The following SIPA1L1 variants were observed in gnomAD, a reference collection of about 807,000 sequenced individuals.
The protein encoded by SIPA1L1 is signal induced proliferation associated 1 like 1.
SIPA1L1 carries 26 observed loss-of-function variants against 162.7 expected under a neutral mutation model. That is an observed-to-expected ratio of 0.16 (90% CI 0.12 to 0.22). The LOEUF (loss-of-function observed/expected upper bound fraction) is 0.22. Among genes scored for constraint, SIPA1L1 ranks in the 10% least tolerant of loss-of-function variants. The pLI is 1.00. For synonymous variants in SIPA1L1, 829 were observed against 837.4 expected (o/e 0.99, Z 0.17); for missense variants, 1,874 against 2,241.0 (o/e 0.84, Z 3.31).
At chr14:71,502,200 G>A (rs2050277109) in intron 2 of SIPA1L1, among the ~76,000 whole-genome samples, 1 of 136,234 alleles carries the variant, frequency 7.3e-6, no homozygotes, top group Non-Finnish European at 1.5e-5. Flanking sequence ...GCTTTTATTT[G>A]GCTATTTTGG....
chr14:71,637,058 A>G (rs1386498649), intron 7 of SIPA1L1, among the ~76,000 whole-genome samples: 2 of 151,224 alleles, frequency 1.3e-5, no homozygotes, highest in African/African-American at 2.4e-5. Context: ...CTTTAAAAAA[A>G]AAAAAAAAAC....
At chr14:71,586,380 G>A (rs3825719) in intron 4 of SIPA1L1, 127,276 of 152,218 alleles carry the variant, frequency 0.84, 53,817 homozygotes, top group African/African-American at 0.95. Context: ...CGTGGAAGTA[G>A]GTGCTTGTTA....
chr14:71,683,222 GGTA>G (rs754319351), intron 12 of SIPA1L1, among the ~76,000 whole-genome samples: 2 of 152,194 alleles, frequency 1.3e-5, no homozygotes, highest in Non-Finnish European at 2.9e-5. Flanking sequence ...AGGTGGAAGA[GGTA>G]GTAGTGAAAG....
At chr14:71,645,638 G>T (rs2042088723) in intron 7 of SIPA1L1, among the ~76,000 whole-genome samples, 1 of 152,176 alleles carries the variant, frequency 6.6e-6, no homozygotes, top group South Asian at 2.1e-4. Context: ...TTTTATTTGG[G>T]GAAGGGGTGA....
intron 2 of SIPA1L1, among the ~76,000 whole-genome samples, chr14:71,408,109 A>C (rs2042156171): frequency 6.6e-6 from 1 of 152,238 alleles, no homozygotes; most frequent in South Asian, 2.1e-4. Flanking sequence ...ATGCAGTTAG[A>C]ATACAGTTAT....
At chr14:71,506,036 G>T (rs1277677753) in intron 2 of SIPA1L1, among the ~76,000 whole-genome samples, 1 of 150,244 alleles carries the variant, frequency 6.7e-6, no homozygotes, top group African/African-American at 2.5e-5. Flanking sequence ...TTTGGATAAG[G>T]GATACTCATC....
At chr14:71,486,782 A>G (rs538374715) in intron 2 of SIPA1L1, among the ~76,000 whole-genome samples, 62 of 152,344 alleles carry the variant, frequency 4.1e-4, no homozygotes, top group African/African-American at 1.4e-3. Context: ...TTAATGCACC[A>G]TTATTACTTT....
intron 5 of SIPA1L1, among the ~76,000 whole-genome samples, chr14:71,615,830 A>C (rs1420996988): frequency 6.6e-6 from 1 of 152,154 alleles, no homozygotes; most frequent in Non-Finnish European, 1.5e-5. Context: ...AACCATCTCT[A>C]CAAAAAATAT....
chr14:71,502,867 G>A (rs1407830890), intron 2 of SIPA1L1, among the ~76,000 whole-genome samples: 1 of 152,168 alleles, frequency 6.6e-6, no homozygotes, highest in Non-Finnish European at 1.5e-5. Flanking sequence ...AAGGACAGGA[G>A]CTGCTTTTTA....
intron 17 of SIPA1L1, among the ~76,000 whole-genome samples, chr14:71,719,135 C>A (rs1459380980): frequency 2.6e-5 from 4 of 151,778 alleles, no homozygotes; most frequent in African/African-American, 9.7e-5. Flanking sequence ...AAACAGGGTT[C>A]GCCATATTGC....
intron 2 of SIPA1L1, among the ~76,000 whole-genome samples, chr14:71,414,905 A>T (rs2042651130): frequency 6.6e-6 from 1 of 151,864 alleles, no homozygotes; most frequent in Non-Finnish European, 1.5e-5. Context: ...ATATTCTTTT[A>T]TTGAGAAAAA....
intron 12 of SIPA1L1, among the ~76,000 whole-genome samples, chr14:71,673,383 A>G (rs1031107906): frequency 2.0e-4 from 30 of 152,226 alleles, no homozygotes; most frequent in Middle Eastern, 3.4e-3. Context: ...AGTTTATGCC[A>G]TTATTTTCTA....
At chr14:71,727,017 A>G (rs1186385270) in intron 19 of SIPA1L1, among the ~76,000 whole-genome samples, 1 of 152,078 alleles carries the variant, frequency 6.6e-6, no homozygotes, top group Non-Finnish European at 1.5e-5. Flanking sequence ...AGTGCTACCT[A>G]TGAGTTTTTG....
At chr14:71,684,273 A>T (rs1206022622) in intron 12 of SIPA1L1, among the ~76,000 whole-genome samples, 1 of 152,230 alleles carries the variant, frequency 6.6e-6, no homozygotes, top group East Asian at 1.9e-4. Context: ...ACACATTTGA[A>T]ATGTAAGGAG....
At chr14:71,623,028 A>G (rs1231276372) in intron 6 of SIPA1L1, among the ~76,000 whole-genome samples, 2 of 151,988 alleles carry the variant, frequency 1.3e-5, no homozygotes, top group Non-Finnish European at 2.9e-5. Context: ...TTGTTCCTCT[A>G]TTTCATGGCC....
chr14:71,719,379 A>C (rs537289162), intron 17 of SIPA1L1, among the ~76,000 whole-genome samples: 1 of 152,360 alleles, frequency 6.6e-6, no homozygotes, highest in Non-Finnish European at 1.5e-5. Flanking sequence ...CGAAGTGGTC[A>C]TAACAAGTAG....
intron 4 of SIPA1L1, among the ~76,000 whole-genome samples, chr14:71,577,321 T>G (rs1181930764): frequency 6.6e-6 from 1 of 151,992 alleles, no homozygotes; most frequent in Non-Finnish European, 1.5e-5. Flanking sequence ...TTTTCTACCA[T>G]AAATTTTGTA....
At chr14:71,538,041 A>G (rs989538551) in intron 4 of SIPA1L1, among the ~76,000 whole-genome samples, 12 of 152,238 alleles carry the variant, frequency 7.9e-5, no homozygotes, top group Admixed American at 3.9e-4. Flanking sequence ...TGCAGGGGGA[A>G]AAAAAAGATT....
intron 2 of SIPA1L1, among the ~76,000 whole-genome samples, chr14:71,370,139 T>A (rs1319025386): frequency 7.1e-5 from 10 of 141,400 alleles, no homozygotes; most frequent in Non-Finnish European, 1.2e-4. Context: ...CTTTTCCTAA[T>A]TGAATACCCT....
Sources: allele counts gnomAD v4.1 joint callset (sites outside exome capture counted in the v4.1 genomes callset), GRCh38; gene constraint gnomAD v4.1.1; transcripts MANE v1.5; gene names NCBI Gene and HGNC (gene_info 2026-07-23, HGNC 2026-07-21).